Variants in RNF24 observed in about 807,000 individuals in gnomAD.
RNF24 encodes ring finger protein 24.
RNF24 carries 14 observed loss-of-function variants against 20.0 expected under a neutral mutation model. That is an observed-to-expected ratio of 0.70 (90% CI 0.46 to 1.10). The LOEUF (loss-of-function observed/expected upper bound fraction) is 1.10. Among genes scored for constraint, RNF24 ranks in the 50% least tolerant of loss-of-function variants. The probability of loss-of-function intolerance (pLI) is 0.00; values close to 1 mark genes in which losing one functional copy is unlikely to be tolerated. For missense variants in RNF24, 124 were observed against 177.6 expected (o/e 0.70, Z 1.71); for synonymous variants, 45 against 61.1 (o/e 0.74, Z 1.23).
intron 1 of RNF24, among the ~76,000 whole-genome samples, chr20:4,010,759 C>T (rs1982399904): frequency 6.6e-6 from 1 of 152,188 alleles, no homozygotes; most frequent in African/African-American, 2.4e-5. Context: ...AATCTCAATG[C>T]CTAAACAGTG....
Position 3,929,210 on chromosome 20 carries a change from CAT to C in RNF24, c.*4851_*4852del, listed in dbSNP as rs780800912. 5 of 152,244 alleles carry C rather than the reference CAT, an allele frequency of 3.3e-5. No homozygotes were observed. The highest frequency in any genetic ancestry group is 7.3e-5 in the Non-Finnish European group (5 of 68,110). The allele number at this position is 152,244 out of a possible 1,614,324, so 9.4% of individuals were successfully genotyped here. On this transcript the variant is annotated 3_prime_UTR_variant, in exon 6 of 6. Coordinates refer to ENST00000358395, the MANE Select transcript of RNF24 (RefSeq NM_001134337.3). ...AGAGTGAGGAGGCCAGCCTGGGCAA[CAT>C]AGTGAGTTGAGACCTGTCTCTACAA...
At chr20:3,970,097 C>A (rs907022664) in intron 1 of RNF24, among the ~76,000 whole-genome samples, 1 of 152,120 alleles carries the variant, frequency 6.6e-6, no homozygotes, top group Non-Finnish European at 1.5e-5. Context: ...GACTATACTC[C>A]TCCTCAATGG....
At chr20:4,004,559 T>C (rs1981688829) in intron 1 of RNF24, among the ~76,000 whole-genome samples, 2 of 152,204 alleles carry the variant, frequency 1.3e-5, no homozygotes, top group Admixed American at 1.3e-4. Flanking sequence ...TGAGAGCATT[T>C]TGGATTATCT....
chr20:3,937,151 C>A (rs975555455), intron 4 of RNF24, among the ~76,000 whole-genome samples: 1 of 152,054 alleles, frequency 6.6e-6, no homozygotes. Context: ...AATGGAGTTA[C>A]TATTAATGGT....
intron 1 of RNF24, among the ~76,000 whole-genome samples, chr20:4,012,238 C>G (rs1280400179): frequency 6.6e-6 from 1 of 152,134 alleles, no homozygotes; most frequent in Non-Finnish European, 1.5e-5. Flanking sequence ...CATGGCAAAA[C>G]TCCGTCTCTA....
chr20:3,994,274 C>G (rs1448502825), intron 1 of RNF24, among the ~76,000 whole-genome samples: 1 of 152,100 alleles, frequency 6.6e-6, no homozygotes, highest in African/African-American at 2.4e-5. Flanking sequence ...GAAAATCACT[C>G]TTTAAATAAA....
chr20:4,005,495 T>C (rs1235571088), intron 1 of RNF24, among the ~76,000 whole-genome samples: 1 of 152,210 alleles, frequency 6.6e-6, no homozygotes, highest in African/African-American at 2.4e-5. Flanking sequence ...TGTTTCATGC[T>C]GAAGAAAATG....
chr20:3,961,304 A>G (rs2091199350), intron 2 of RNF24, among the ~76,000 whole-genome samples: 2 of 151,874 alleles, frequency 1.3e-5, no homozygotes, highest in Non-Finnish European at 2.9e-5. Flanking sequence ...CAGGAGGCTG[A>G]GATGGGAGGA....
intron 1 of RNF24, among the ~76,000 whole-genome samples, chr20:3,994,044 T>C (rs1980672002): frequency 6.6e-6 from 1 of 152,214 alleles, no homozygotes; most frequent in Non-Finnish European, 1.5e-5. Flanking sequence ...GGATCCCACA[T>C]TGCATTAATT....
chr20:3,991,007 AG>A (rs1231391867), intron 1 of RNF24, among the ~76,000 whole-genome samples: 9 of 152,130 alleles, frequency 5.9e-5, no homozygotes, highest in African/African-American at 2.2e-4. Flanking sequence ...TAAAAAGAAA[AG>A]AGAAGCTAGC....
intron 4 of RNF24, among the ~76,000 whole-genome samples, chr20:3,942,282 C>T (rs560861625): frequency 2.0e-5 from 3 of 150,976 alleles, no homozygotes; most frequent in Admixed American, 6.6e-5. Flanking sequence ...AATCCTCCCA[C>T]CTCAGCCTCC....
At chr20:3,935,733 T>G (rs73084594) in intron 4 of RNF24, among the ~76,000 whole-genome samples, 17,721 of 152,262 alleles carry the variant, frequency 0.12, 1,390 homozygotes, top group Non-Finnish European at 0.17. Flanking sequence ...AGGGGCTGGG[T>G]TCCAACACTT....
chr20:4,008,554 ATATT>A (rs1462322155), intron 1 of RNF24, among the ~76,000 whole-genome samples: 1 of 122,686 alleles, frequency 8.2e-6, no homozygotes, highest in Non-Finnish European at 1.6e-5. Flanking sequence ...ATATATATAT[ATATT>A]TTTTTTTGAG....
intron 1 of RNF24, among the ~76,000 whole-genome samples, chr20:3,973,478 G>A (rs1249397102): frequency 6.5e-5 from 6 of 92,518 alleles, no homozygotes; most frequent in African/African-American, 2.1e-4. Context: ...CAGTAACACT[G>A]ACAAATCTCT....
At chr20:3,960,613 A>G (rs1340312692) in intron 2 of RNF24, among the ~76,000 whole-genome samples, 1 of 152,080 alleles carries the variant, frequency 6.6e-6, no homozygotes, top group Non-Finnish European at 1.5e-5. Flanking sequence ...GCTTGCAGTG[A>G]GCCAAGATTG....
rs181063163 is a variant in RNF24 at position 3,934,794 on chromosome 20, G to A, written c.308+200C>T. On this transcript the variant is annotated intron_variant, in intron 5 of 5. Transcript: ENST00000358395. This position sits in a 1 kb window ranked among gnomAD's most constrained non-coding sequence, Gnocchi z 4.0. ...TCTCTGCCCATAGTCCTGACGTGGTGGTCACGTTCCACCACTCTGCTGTCT... is the reference window on the plus strand; with the variant it reads ...TCTCTGCCCATAGTCCTGACGTGGTAGTCACGTTCCACCACTCTGCTGTCT... Among the ~76,000 whole-genome samples the A allele has an allele frequency of 2.1e-3, 319 of 152,162 alleles. No homozygotes were observed. The highest frequency in any genetic ancestry group is 3.4e-3 in the Admixed American group (52 of 15,284).
intron 4 of RNF24, among the ~76,000 whole-genome samples, chr20:3,942,908 C>T (rs1418782150): frequency 6.6e-6 from 1 of 152,074 alleles, no homozygotes; most frequent in Non-Finnish European, 1.5e-5. Flanking sequence ...CCTCTGCCTC[C>T]AGGTTCAAGT....
At chr20:3,945,893 G>A (rs2091010708) in intron 3 of RNF24, among the ~76,000 whole-genome samples, 1 of 152,076 alleles carries the variant, frequency 6.6e-6, no homozygotes, top group Non-Finnish European at 1.5e-5. Flanking sequence ...AAGAAAATAG[G>A]CAAGTAAAAT....
Position 3,931,884 on chromosome 20 carries a change from A to G in RNF24, c.*2179T>C, listed in dbSNP as rs1036995208. The G allele has an allele frequency of 2.6e-5, 4 of 152,154 alleles. No individual in the cohort carries two copies. Among genetic ancestry groups the G allele is most frequent in the African/African-American group, 9.7e-5 (4 of 41,438 alleles). 9.4% of individuals were successfully genotyped at this position (152,154 alleles called of 1,614,324 possible). On this transcript the variant is annotated 3_prime_UTR_variant, in exon 6 of 6. Transcript: ENST00000358395. ...AGTGCTACGTATCAACCCCCTCAAC[A>G]TGCCTGTGGCTCTGACACGGGGGGA...
Sources: allele counts gnomAD v4.1 joint callset (sites outside exome capture counted in the v4.1 genomes callset), GRCh38; gene constraint gnomAD v4.1.1; non-coding constraint Gnocchi (gnomAD v3.1); transcripts MANE v1.5; gene names NCBI Gene and HGNC (gene_info 2026-07-23, HGNC 2026-07-21).